DIAPH2: variants seen among roughly 807,000 people sequenced by gnomAD.
DIAPH2 encodes protein diaphanous homolog 2.
A neutral mutation model predicts 92.7 loss-of-function variants in DIAPH2; 35 were observed. The observed-to-expected ratio is 0.38, with a 90% CI of 0.29 to 0.50. DIAPH2 has a LOEUF of 0.50. DIAPH2 is among the 20% of genes least tolerant of loss of function. The pLI, the probability that DIAPH2 is intolerant of heterozygous loss-of-function variation, is 0.94. For synonymous variants in DIAPH2, 301 were observed against 280.4 expected, an observed-to-expected ratio of 1.07 and a Z score of -0.73; for missense variants, 701 against 819.5, an observed-to-expected ratio of 0.86 and a Z score of 1.77.
intron 15 of DIAPH2, among the ~76,000 whole-genome samples, chrX:96,957,579 T>C (rs1054504792): frequency 9.0e-6 from 1 of 111,350 alleles, no homozygotes; most frequent in Admixed American, 9.5e-5. Context: ...TTCCTAGCAT[T>C]TGTGTGTTAA....
intron 24 of DIAPH2, among the ~76,000 whole-genome samples, chrX:97,377,980 A>C (rs954780274): frequency 5.4e-5 from 6 of 110,753 alleles, no homozygotes; most frequent in South Asian, 3.8e-4. Flanking sequence ...GCAAAAAAAA[A>C]CCCAGAAAAC....
intron 22 of DIAPH2, among the ~76,000 whole-genome samples, chrX:97,207,699 G>T (rs751156072): frequency 9.0e-6 from 1 of 111,031 alleles, no homozygotes; most frequent in South Asian, 3.8e-4. Flanking sequence ...CCCAGTATTT[G>T]ATTAATAAAC....
chrX:97,415,540 C>G (rs1480354900), intron 25 of DIAPH2, among the ~76,000 whole-genome samples: 3 of 111,254 alleles, frequency 2.7e-5, no homozygotes, highest in African/African-American at 6.6e-5. Flanking sequence ...ACGATGAGTT[C>G]TTGTCCTTTG....
intron 23 of DIAPH2, among the ~76,000 whole-genome samples, chrX:97,275,500 A>T (rs2068438601): frequency 1.0e-5 from 1 of 95,707 alleles, no homozygotes; most frequent in Admixed American, 1.1e-4. Flanking sequence ...TGCCGGGCGG[A>T]GGGGCTCCTC....
chrX:97,360,339 T>G (rs2069311649), intron 24 of DIAPH2, among the ~76,000 whole-genome samples: 1 of 110,380 alleles, frequency 9.1e-6, no homozygotes, highest in Non-Finnish European at 1.9e-5. Context: ...ACAGTCTGGG[T>G]GCGGTGGCTC....
At chrX:96,897,058 A>G (rs2065349694) in intron 5 of DIAPH2, among the ~76,000 whole-genome samples, 1 of 111,960 alleles carries the variant, frequency 8.9e-6, no homozygotes, top group African/African-American at 3.2e-5. Context: ...AGGATACAAA[A>G]TTTCATTTAA....
chrX:96,692,109 T>C (rs1332283481), intron 1 of DIAPH2, among the ~76,000 whole-genome samples: 1 of 111,354 alleles, frequency 9.0e-6, no homozygotes, highest in Non-Finnish European at 1.9e-5. Flanking sequence ...AGCCAGTTAA[T>C]GAGACTTTTT....
intron 24 of DIAPH2, among the ~76,000 whole-genome samples, chrX:97,369,847 G>A (rs1372859937): frequency 2.7e-5 from 3 of 110,233 alleles, no homozygotes; most frequent in African/African-American, 9.8e-5. Context: ...TCCCCATACT[G>A]CAAAAAAAAT....
intron 17 of DIAPH2, among the ~76,000 whole-genome samples, chrX:97,028,478 C>G (rs1163330079): frequency 8.9e-6 from 1 of 111,839 alleles, no homozygotes; most frequent in Non-Finnish European, 1.9e-5. Flanking sequence ...AAACCCCTGC[C>G]CCTGTCAATC....
At position 97,502,411 on chromosome X, in the gene DIAPH2, A is replaced by G. The variant is rs570284146; in HGVS notation, c.3241+72666A>G. Among the ~76,000 whole-genome samples the G allele has an allele frequency of 1.3e-4, 15 of 112,424 alleles. No homozygotes were observed. In the South Asian group the frequency reaches 4.0e-3, roughly 30 times the overall value. ...GTTGTTTCACATGAATTACAAATGC[A>G]TCATTTAGCTGTATTATAGTCTTAC... is the stretch of plus-strand genomic sequence containing the variant. On this transcript the variant is annotated intron_variant, in intron 26 of 26. Coordinates refer to ENST00000324765, the MANE Select transcript of DIAPH2 (RefSeq NM_006729.5).
At chrX:97,506,807 A>G (rs1357094840) in intron 26 of DIAPH2, among the ~76,000 whole-genome samples, 1 of 111,222 alleles carries the variant, frequency 9.0e-6, no homozygotes, top group East Asian at 2.8e-4. Context: ...GAGGGCATCA[A>G]CTATGCTATC....
chrX:96,970,246 G>A (rs1303833314), intron 17 of DIAPH2, among the ~76,000 whole-genome samples: 1 of 111,383 alleles, frequency 9.0e-6, no homozygotes, highest in East Asian at 2.8e-4. Context: ...TTATGGAGGA[G>A]TCCCTACTCT....
chrX:97,474,182 G>A (rs2070586148), intron 26 of DIAPH2, among the ~76,000 whole-genome samples: 1 of 112,079 alleles, frequency 8.9e-6, no homozygotes, highest in African/African-American at 3.2e-5. Flanking sequence ...TTTGCCGACT[G>A]CTGGAGTAGA....
chrX:96,921,740 C>T (rs978073797), intron 9 of DIAPH2, among the ~76,000 whole-genome samples: 2 of 103,555 alleles, frequency 1.9e-5, no homozygotes, highest in Non-Finnish European at 3.9e-5. Flanking sequence ...TTCTCCTCCT[C>T]TTACTTCCTG....
chrX:96,928,514 A>G (rs2065598628), intron 9 of DIAPH2, among the ~76,000 whole-genome samples: 1 of 111,365 alleles, frequency 9.0e-6, no homozygotes, highest in Non-Finnish European at 1.9e-5. Flanking sequence ...AAAGGGCAGC[A>G]CTTGTGTAAC....
intron 26 of DIAPH2, among the ~76,000 whole-genome samples, chrX:97,545,522 GA>G (rs533114886): frequency 4.3e-3 from 287 of 66,999 alleles, no homozygotes; most frequent in South Asian, 0.011. Context: ...TAAGTTTGAT[GA>G]AAAAAAAAAA....
intron 4 of DIAPH2, among the ~76,000 whole-genome samples, chrX:96,844,645 C>T (rs2064959208): frequency 8.9e-6 from 1 of 112,249 alleles, no homozygotes; most frequent in South Asian, 3.7e-4. Flanking sequence ...TTTAATCAGT[C>T]CAATTTCCAA....
intron 1 of DIAPH2, among the ~76,000 whole-genome samples, chrX:96,687,018 C>G (rs1213125276): frequency 1.8e-5 from 2 of 111,519 alleles, no homozygotes. Flanking sequence ...CATAGGGGTT[C>G]TTAAACTCCT....
intron 5 of DIAPH2, among the ~76,000 whole-genome samples, chrX:96,897,534 A>AT (rs1480811532): frequency 9.0e-6 from 1 of 110,663 alleles, no homozygotes; most frequent in Non-Finnish European, 1.9e-5. Context: ...AATCAAGAAG[A>AT]TTTTTTTAGA....
Sources: gnomAD v4.1 joint callset for allele counts (sites outside exome capture counted in the v4.1 genomes callset) on GRCh38, gnomAD v4.1.1 for gene constraint, MANE v1.5 for transcripts, NCBI Gene and HGNC (gene_info 2026-07-23, HGNC 2026-07-21) for gene names.